Variants in MYH14 observed in about 807,000 individuals in gnomAD.
MYH14 encodes the protein myosin heavy chain 14.
In MYH14, 123 loss-of-function variants were observed where a neutral mutation model predicts 255.5. That is an observed-to-expected ratio of 0.48 (90% CI 0.42 to 0.56). MYH14 has a LOEUF of 0.56. Ranked by LOEUF, MYH14 falls within the 20% of genes least tolerant of loss-of-function variation. The pLI is 0.00. For missense variants in MYH14, 2,423 were observed against 2,802.3 expected, an observed-to-expected ratio of 0.86 and a Z score of 3.06; for synonymous variants, 1,095 against 1,161.2, an observed-to-expected ratio of 0.94 and a Z score of 1.16.
chr19:50,204,912 T>C (rs993309568), intron 1 of MYH14, among the ~76,000 whole-genome samples: 10 of 151,706 alleles, frequency 6.6e-5, no homozygotes, highest in Non-Finnish European at 1.2e-4. Context: ...TTTTTTTTTT[T>C]TAAATCATTT....
intron 35 of MYH14, among the ~76,000 whole-genome samples, chr19:50,290,346 T>A (rs544638104): frequency 6.6e-6 from 1 of 152,314 alleles, no homozygotes; most frequent in East Asian, 1.9e-4. Flanking sequence ...GCATCGTTCA[T>A]TCATTACTCG....
At chr19:50,226,780 A>T in intron 7 of MYH14, 123 bp from the exon 8 acceptor site, 1 of 855,156 alleles carries the variant, frequency 1.2e-6, no homozygotes, top group Non-Finnish European at 1.9e-6. Flanking sequence ...AGGTAGAGGG[A>T]GCAAGGAAGT....
In MYH14 at chr19:50,293,629, A is replaced by C. The variant is rs768652460; in HGVS notation, c.5411A>C (p.Glu1804Ala). 8 of 1,612,580 alleles carry C rather than the reference A, an allele frequency of 5.0e-6. No homozygotes were observed. The highest frequency in any genetic ancestry group is 6.8e-6 in the Non-Finnish European group (8 of 1,179,280). The stretch of plus-strand genomic sequence containing the variant: ...CTGGGGCAGTTGGAGGAAGAGCTGG[A>C]GGAGGAGCAGAGCAACTCGGAGCTG... ...GRLGQLEEEL[E>A]EEQSNSELLN... is the part of the protein sequence containing the mutation. Residue 1804 changes from glutamate to alanine, a missense_variant, in exon 39 of 43, where the codon GAG becomes GCG. Physicochemically the swap from Glu to Ala is moderately radical, Grantham distance 107. This residue lies in a region of MYH14 where 1,513 missense variants were observed against 1,674.8 expected (regional missense o/e 0.90). Coordinates refer to ENST00000642316, the MANE Select transcript of MYH14 (RefSeq NM_001145809.2). The surrounding 1 kb of genome is among the most constrained non-coding windows in gnomAD (Gnocchi z 4.1).
chr19:50,246,877 C>A (rs1309886581), intron 11 of MYH14, 127 bp from the exon 12 acceptor site: 5 of 647,060 alleles, frequency 7.7e-6, no homozygotes, highest in Non-Finnish European at 1.4e-5. Context: ...CTCGTAATGC[C>A]TCTCCTGGGA....
intron 3 of MYH14, among the ~76,000 whole-genome samples, chr19:50,219,678 G>A (rs1027835590): frequency 3.9e-5 from 6 of 152,056 alleles, no homozygotes; most frequent in African/African-American, 1.5e-4. Flanking sequence ...GGTCAAGGCA[G>A]TTGTGTACAG....
In MYH14 at chr19:50,268,299, G is replaced by C. The variant is rs749286731; in HGVS notation, c.2965G>C (p.Val989Leu). The C allele has an allele frequency of 1.3e-6, 2 of 1,588,358 alleles. No individual in the cohort carries two copies. The highest frequency in any genetic ancestry group is 1.7e-6 in the Non-Finnish European group (2 of 1,168,752). ...ELVVSELEAR[V>L]GEEEECSRQM... ...GGTGGTGTCAGAGCTGGAGGCTCGC[G>C]TGGGCGAGGAGGAGGAGTGCAGCCG... The change falls in exon 24 of 43, where the codon GTG becomes CTG. Residue 989 changes from valine (V) to leucine (L), a missense_variant. By Grantham distance (32) the Val-to-Leu change is conservative. This residue lies in a region of MYH14 where 1,513 missense variants were observed against 1,674.8 expected (regional missense o/e 0.90). Coordinates refer to ENST00000642316, the MANE Select transcript of MYH14 (RefSeq NM_001145809.2).
intron 34 of MYH14, among the ~76,000 whole-genome samples, chr19:50,287,971 C>A (rs1009960788): frequency 1.3e-5 from 2 of 152,106 alleles, no homozygotes; most frequent in Admixed American, 1.3e-4. Context: ...ACAGACTCTC[C>A]CACCAAGCCT....
chr19:50,289,633 G>A lies in MYH14; in HGVS notation c.4950G>A (p.Arg1650=), dbSNP rs763245691. The part of the protein sequence containing the change: ...GRDEAGEERR[R]QLAKQLRDAE... Reference sequence around the variant, plus strand: ...ATGAGGCTGGTGAAGAGAGGCGGAGGCAGCTGGCCAAGCAGGTATTGTCAC... The same window carrying A: ...ATGAGGCTGGTGAAGAGAGGCGGAGACAGCTGGCCAAGCAGGTATTGTCAC... The change falls in exon 35 of 43, where the codon AGG becomes AGA. Residue 1650 remains arginine (R), a synonymous_variant. Transcript: ENST00000642316. 1.0e-4 allele frequency: 168 copies of A among 1,608,922 alleles called. No homozygotes were observed. In the Middle Eastern group the frequency reaches 1.1e-3, roughly 11 times the overall value.
chr19:50,279,437 C>T (rs1282241429), intron 30 of MYH14, among the ~76,000 whole-genome samples: 1 of 152,200 alleles, frequency 6.6e-6, no homozygotes, highest in African/African-American at 2.4e-5. Context: ...TCAAGACCAG[C>T]TGCCTGACCA....
intron 1 of MYH14, among the ~76,000 whole-genome samples, chr19:50,209,716 G>A (rs1353207496): frequency 2.7e-5 from 4 of 148,982 alleles, no homozygotes; most frequent in African/African-American, 7.5e-5. Flanking sequence ...CCCAGGAGGC[G>A]GAGCTTGCAG....
Position 50,272,603 on chromosome 19 carries a change from G to T in MYH14, c.3339G>T (p.Lys1113Asn). The T allele has an allele frequency of 6.3e-7, 1 of 1,581,798 alleles. No individual in the cohort carries two copies. The highest frequency in any genetic ancestry group is 8.6e-7 in the Non-Finnish European group (1 of 1,164,942). Residue 1113 changes from lysine to asparagine, a missense_variant, in exon 27 of 43, where the codon AAG becomes AAT. By Grantham distance (94) the Lys-to-Asn change is moderately conservative. This residue lies in a region of MYH14 where 1,513 missense variants were observed against 1,674.8 expected (regional missense o/e 0.90). Coordinates refer to ENST00000642316, the MANE Select transcript of MYH14 (RefSeq NM_001145809.2). ...KEEKGRQELEKLKRRLDGESS... is the reference protein window; with the variant it reads ...KEEKGRQELENLKRRLDGESS... Reference sequence around the variant, plus strand: ...AGAAGGGTCGCCAGGAGCTGGAGAAGCTGAAGCGGAGGCTGGATGGGGAGA... The same window carrying T: ...AGAAGGGTCGCCAGGAGCTGGAGAATCTGAAGCGGAGGCTGGATGGGGAGA...
At position 50,278,137 on chromosome 19, in the gene MYH14, C is replaced by G. The variant is rs776801210; in HGVS notation, c.3880C>G (p.Leu1294Val). Residue 1294 changes from leucine to valine, a missense_variant, in exon 30 of 43, where the codon CTG becomes GTG. This residue lies in a region of MYH14 where 1,513 missense variants were observed against 1,674.8 expected (regional missense o/e 0.90). Coordinates refer to ENST00000642316, the MANE Select transcript of MYH14 (RefSeq NM_001145809.2). The stretch of plus-strand genomic sequence containing the variant: ...GGCCCTGGAGGCCGAGGTGTCCGAG[C>G]TGCGGGCAGAACTGAGCAGCCTGCA... ...RLALEAEVSE[L>V]RAELSSLQTA... 57 of 1,605,066 alleles carry G rather than the reference C, an allele frequency of 3.6e-5. No homozygotes were observed. Among genetic ancestry groups the G allele is most frequent in the Non-Finnish European group, 4.4e-5 (52 of 1,173,430 alleles).
Position 50,259,075 on chromosome 19 carries a change from C to T in MYH14, c.2233-69C>T, listed in dbSNP as rs2034715449. The T allele has an allele frequency of 4.6e-6, 7 of 1,506,324 alleles. No homozygotes were observed. The South Asian group carries it at 8.9e-5, about 19-fold the overall frequency. 93.3% of individuals were successfully genotyped at this position (1,506,324 alleles called of 1,614,324 possible). On this transcript the variant is annotated intron_variant, in intron 18 of 42. Coordinates refer to ENST00000642316, the MANE Select transcript of MYH14 (RefSeq NM_001145809.2). The stretch of plus-strand genomic sequence containing the variant: ...AATTACATGTGGAAACAGGAAATTG[C>T]CAAGCTTGACCGTTTGGCGCCCCCG...
chr19:50,224,099 C>A, intron 5 of MYH14, 55 bp from the exon 6 acceptor site: 1 of 1,349,070 alleles, frequency 7.4e-7, no homozygotes. Context: ...GTGTGTCTGT[C>A]CACGTTCCAT....
In MYH14 at chr19:50,293,193, C is replaced by T. The variant is rs1404409561; in HGVS notation, c.5257-40C>T. On this transcript the variant is annotated intron_variant, in intron 37 of 42. Coordinates refer to ENST00000642316, the MANE Select transcript of MYH14 (RefSeq NM_001145809.2). This position sits in a 1 kb window ranked among gnomAD's most constrained non-coding sequence, Gnocchi z 4.1. The stretch of plus-strand genomic sequence containing the variant: ...AGGGGTGAGACCCGTGCCCAGATTG[C>T]TTCTCCTCACACCCACCGGCCACCC... 1 of 1,486,458 alleles carries T rather than the reference C, an allele frequency of 6.7e-7. No homozygotes were observed. Among genetic ancestry groups the T allele is most frequent in the East Asian group, 2.4e-5 (1 of 41,602 alleles). The allele number at this position is 1,486,458 out of a possible 1,614,324, so 92.1% of individuals were successfully genotyped here. A position where few individuals can be genotyped will look rare whatever the true frequency, so the allele number is the denominator to read the frequency against.
intron 1 of MYH14, among the ~76,000 whole-genome samples, chr19:50,207,697 G>A (rs1362165398): frequency 6.6e-6 from 1 of 152,230 alleles, no homozygotes; most frequent in Non-Finnish European, 1.5e-5. Flanking sequence ...TGAGATTCGA[G>A]TCTATTCTGC....
intron 10 of MYH14, among the ~76,000 whole-genome samples, chr19:50,234,790 G>A (rs1386190858): frequency 6.6e-6 from 1 of 152,120 alleles, no homozygotes; most frequent in African/African-American, 2.4e-5. Context: ...CAGCAGCTCT[G>A]ATTTTTGGAA....
intron 37 of MYH14, among the ~76,000 whole-genome samples, chr19:50,292,792 G>GGA (rs535189657): frequency 6.6e-6 from 1 of 151,730 alleles, no homozygotes; most frequent in African/African-American, 2.4e-5. Flanking sequence ...GTGGGAGAGG[G>GGA]GAGAGAGAGA....
In MYH14 at chr19:50,310,192, T is replaced by C. The variant is rs911348257; in HGVS notation, c.*402T>C. The C allele has an allele frequency of 1.2e-4, 32 of 265,238 alleles. No homozygotes were observed. The highest frequency in any genetic ancestry group is 1.4e-4 in the African/African-American group (6 of 43,330). 16.4% of individuals were successfully genotyped at this position (265,238 alleles called of 1,614,324 possible). On this transcript the variant is annotated 3_prime_UTR_variant, in exon 43 of 43. Coordinates refer to ENST00000642316, the MANE Select transcript of MYH14 (RefSeq NM_001145809.2). ...CTGCTTCTCTCTCTCTCTCTCTCTCTCCCTCCCTCTCCTTCCCTACCCTCT... is the reference window on the plus strand; with the variant it reads ...CTGCTTCTCTCTCTCTCTCTCTCTCCCCCTCCCTCTCCTTCCCTACCCTCT...
Sources: allele counts gnomAD v4.1 joint callset (sites outside exome capture counted in the v4.1 genomes callset), GRCh38; gene constraint gnomAD v4.1.1; regional missense constraint gnomAD v4.1.1; non-coding constraint Gnocchi (gnomAD v3.1); transcripts MANE v1.5; gene names NCBI Gene and HGNC (gene_info 2026-07-23, HGNC 2026-07-21).